The following USP48 variants were observed in gnomAD, a reference collection of about 807,000 sequenced individuals.
The protein encoded by USP48 is ubiquitin carboxyl-terminal hydrolase 48.
Under a neutral mutation model 150.7 loss-of-function variants are expected in USP48, and 43 were observed. The observed-to-expected ratio is 0.29, with a 90% CI of 0.22 to 0.37. The LOEUF is 0.37. USP48 is among the 10% of genes least tolerant of loss of function. The pLI, the probability that USP48 is intolerant of heterozygous loss-of-function variation, is 1.00. For missense variants in USP48, 813 were observed against 1,249.6 expected, an observed-to-expected ratio of 0.65 and a Z score of 5.27; for synonymous variants, 396 against 425.9, an observed-to-expected ratio of 0.93 and a Z score of 0.86.
intron 26 of USP48, 71 bp downstream of exon 26, chr1:21,680,737 G>C: frequency 7.2e-7 from 1 of 1,395,920 alleles, no homozygotes; most frequent in Non-Finnish European, 9.8e-7. Flanking sequence ...TCAAATTATA[G>C]CCTTCGCTTT....
chr1:21,718,671 C>T (rs2097711523), intron 14 of USP48, among the ~76,000 whole-genome samples: 1 of 151,738 alleles, frequency 6.6e-6, no homozygotes, highest in Admixed American at 6.6e-5. Flanking sequence ...TGATCTCCTG[C>T]CTCAGCCTCC....
chr1:21,707,358 G>A (rs1449991172), intron 15 of USP48, among the ~76,000 whole-genome samples: 4 of 152,136 alleles, frequency 2.6e-5, no homozygotes, highest in African/African-American at 9.7e-5. Flanking sequence ...TGTAAGCTGT[G>A]TCCAGCCATC....
chr1:21,710,766 C>T (rs2097687971), intron 15 of USP48, among the ~76,000 whole-genome samples: 1 of 151,758 alleles, frequency 6.6e-6, no homozygotes, highest in African/African-American at 2.4e-5. Context: ...ACTTTAAGTG[C>T]CTCATGAAAC....
intron 8 of USP48, among the ~76,000 whole-genome samples, chr1:21,737,143 C>T (rs1311981050): frequency 2.6e-5 from 4 of 152,232 alleles, no homozygotes; most frequent in East Asian, 3.9e-4. Context: ...TCCAAGGGCA[C>T]AAACTTTGAT....
At chr1:21,703,095 C>T (rs1170680894) in intron 21 of USP48, among the ~76,000 whole-genome samples, 1 of 152,216 alleles carries the variant, frequency 6.6e-6, no homozygotes, top group African/African-American at 2.4e-5. Context: ...CCTGTCTACT[C>T]CCTGTCTCAC....
intron 10 of USP48, among the ~76,000 whole-genome samples, chr1:21,728,941 C>G (rs2097747854): frequency 6.6e-6 from 1 of 152,170 alleles, no homozygotes; most frequent in Non-Finnish European, 1.5e-5. Context: ...CTCTCCATGA[C>G]ATCATCAGCC....
At chr1:21,733,219 C>T (rs2097761166) in intron 9 of USP48, among the ~76,000 whole-genome samples, 1 of 152,054 alleles carries the variant, frequency 6.6e-6, no homozygotes, top group East Asian at 1.9e-4. Context: ...AGTTTGAAAC[C>T]AGCCTGGCCA....
intron 1 of USP48, among the ~76,000 whole-genome samples, chr1:21,769,795 TAGAC>T (rs2097873802): frequency 6.6e-6 from 1 of 152,002 alleles, no homozygotes; most frequent in African/African-American, 2.4e-5. Context: ...AAGGACCACT[TAGAC>T]AGACCCCAGA....
chr1:21,732,743 G>A (rs767514873), intron 9 of USP48: 1 of 312,690 alleles, frequency 3.2e-6, no homozygotes. Context: ...TGTTAAAAAT[G>A]CCTACTATAA....
chr1:21,783,064 C>CA lies in USP48; in HGVS notation c.-108_-107insT. On this transcript the variant is annotated 5_prime_UTR_variant, in exon 1 of 27. Coordinates refer to ENST00000308271, the MANE Select transcript of USP48 (RefSeq NM_032236.8). ...CCACCTGCCAGCAAGGAGGACCTGG[C>CA]GCTCCTTCAGGCAGCTGGCCAGTCA... The CA allele has an allele frequency of 7.3e-7, 1 of 1,378,864 alleles. No homozygotes were observed. The highest frequency in any genetic ancestry group is 9.3e-7 in the Non-Finnish European group (1 of 1,069,620). 85.4% of individuals were successfully genotyped at this position (1,378,864 alleles called of 1,614,324 possible).
At chr1:21,686,248 C>T (rs976291787) in intron 25 of USP48, 3 of 152,164 alleles carry the variant, frequency 2.0e-5, no homozygotes, top group Non-Finnish European at 4.4e-5. Context: ...TGAAAATGGC[C>T]GTCCTTGTCT....
intron 23 of USP48, among the ~76,000 whole-genome samples, chr1:21,691,591 C>T (rs1204017357): frequency 3.9e-5 from 6 of 152,132 alleles, no homozygotes; most frequent in South Asian, 4.1e-4. Flanking sequence ...GCCGAGATTG[C>T]GCCACTGCAC....
At chr1:21,740,844 C>G (rs1045373826) in intron 8 of USP48, among the ~76,000 whole-genome samples, 4 of 151,960 alleles carry the variant, frequency 2.6e-5, no homozygotes, top group Non-Finnish European at 4.4e-5. Flanking sequence ...AATCAAACTC[C>G]GAGAAATGGA....
At chr1:21,772,120 A>G (rs35994880) in intron 1 of USP48, among the ~76,000 whole-genome samples, 6,063 of 152,290 alleles carry the variant, frequency 0.04, 190 homozygotes, top group Non-Finnish European at 0.055. Context: ...AATTATAAAA[A>G]CATAAAGGTT....
intron 15 of USP48, among the ~76,000 whole-genome samples, chr1:21,711,370 C>T (rs2097689745): frequency 6.6e-6 from 1 of 152,106 alleles, no homozygotes. Flanking sequence ...GCTCAGTCCC[C>T]TTCTCTGCCC....
At chr1:21,763,723 G>A (rs1310705911) in intron 1 of USP48, among the ~76,000 whole-genome samples, 1 of 152,148 alleles carries the variant, frequency 6.6e-6, no homozygotes, top group African/African-American at 2.4e-5. Context: ...GCTGAGGCAG[G>A]AGAATCACTT....
chr1:21,700,705 G>A (rs1474766199), intron 22 of USP48, among the ~76,000 whole-genome samples: 1 of 152,136 alleles, frequency 6.6e-6, no homozygotes, highest in Admixed American at 6.5e-5. Context: ...TCCAATGTGG[G>A]GGTCTGACTT....
intron 8 of USP48, among the ~76,000 whole-genome samples, chr1:21,745,211 G>T (rs1046597313): frequency 5.9e-5 from 9 of 152,066 alleles, no homozygotes; most frequent in Admixed American, 2.0e-4. Flanking sequence ...GCGTGTAAAA[G>T]ACAAGCCTAT....
chr1:21,738,644 C>T (rs959872528), intron 8 of USP48, among the ~76,000 whole-genome samples: 1 of 151,998 alleles, frequency 6.6e-6, no homozygotes, highest in African/African-American at 2.4e-5. Context: ...AGGTGTGAGC[C>T]ACCACGCCCG....
Sources: gnomAD v4.1 joint callset for allele counts (sites outside exome capture counted in the v4.1 genomes callset) on GRCh38, gnomAD v4.1.1 for gene constraint, MANE v1.5 for transcripts, NCBI Gene and HGNC (gene_info 2026-07-23, HGNC 2026-07-21) for gene names.